DYSF: variants seen among roughly 807,000 people sequenced by gnomAD.
DYSF encodes dysferlin.
A neutral mutation model predicts 274.9 loss-of-function variants in DYSF; 212 were observed. The ratio of observed to expected loss-of-function variants is 0.77; its 90% confidence interval spans 0.69 to 0.86. The LOEUF is 0.86. Among genes scored for constraint, DYSF ranks in the 40% least tolerant of loss-of-function variants. The pLI is 0.00. For missense variants in DYSF, 2,666 were observed against 2,783.2 expected (o/e 0.96, Z 0.95); for synonymous variants, 1,091 against 1,078.7 (o/e 1.01, Z -0.22).
At chr2:71,524,944 C>A (rs1476672664) in intron 12 of DYSF, among the ~76,000 whole-genome samples, 1 of 152,214 alleles carries the variant, frequency 6.6e-6, no homozygotes, top group Non-Finnish European at 1.5e-5. Context: ...ACACCCAGAG[C>A]AACATCTGTG....
rs996859580 is a variant in DYSF at position 71,611,291 on chromosome 2, A to T, written c.4004A>T (p.Asn1335Ile). The change falls in exon 37 of 56, where the codon AAC (asparagine) becomes ATC (isoleucine). Residue 1335 changes from asparagine to isoleucine, a missense_variant. By Grantham distance (149) the Asn-to-Ile change is moderately radical. Around this residue, in one of 3 missense-constraint regions of DYSF, gnomAD observed 1,460 missense variants for 1,502.1 expected, o/e 0.97. Transcript: ENST00000410020. ...TACCCACCACCCCAGAGGGAGGCCA[A>T]CATCTACATGGTTCCTCAGAACATC... is the stretch of plus-strand genomic sequence containing the variant. ...LPYPPPQREA[N>I]IYMVPQNIKP... 1.9e-6 allele frequency: 3 copies of T among 1,614,008 alleles called. No homozygotes were observed. Among genetic ancestry groups the T allele is most frequent in the Non-Finnish European group, 2.5e-6 (3 of 1,179,904 alleles).
rs867674153 is a variant in DYSF, at chr2:71,560,302, G to A, written c.2217-1450G>A. Among the ~76,000 whole-genome samples, 47 of 151,254 alleles carry A rather than the reference G, an allele frequency of 3.1e-4. 1 individual carries two copies. The highest frequency in any genetic ancestry group is 2.6e-3 in the Admixed American group (39 of 15,162). On this transcript the variant is annotated intron_variant, in intron 22 of 55. Coordinates refer to ENST00000410020, the MANE Select transcript of DYSF (RefSeq NM_001130987.2). ...GGTGGTCTGTACTGCAGCCCCTCCC[G>A]GCTCCCGACCCGGGCTGGGCGCATA... is the stretch of plus-strand genomic sequence containing the variant.
chr2:71,544,666 G>T (rs2090323863), intron 17 of DYSF, among the ~76,000 whole-genome samples: 1 of 151,908 alleles, frequency 6.6e-6, no homozygotes, highest in African/African-American at 2.4e-5. Context: ...TCACCATGTG[G>T]GCCAGGCTGG....
chr2:71,600,109 C>A (rs921886809), intron 33 of DYSF, among the ~76,000 whole-genome samples: 1 of 152,162 alleles, frequency 6.6e-6, no homozygotes, highest in African/African-American at 2.4e-5. Context: ...GAGCTGCAGG[C>A]TGCCAGAGCC....
intron 41 of DYSF, among the ~76,000 whole-genome samples, chr2:71,631,823 G>A (rs1225816977): frequency 4.6e-5 from 7 of 151,914 alleles, no homozygotes; most frequent in African/African-American, 9.7e-5. Context: ...TGGTCTCCTC[G>A]GGAGTGCACC....
intron 41 of DYSF, among the ~76,000 whole-genome samples, chr2:71,628,744 G>A (rs2094257217): frequency 6.6e-6 from 1 of 152,204 alleles, no homozygotes; most frequent in African/African-American, 2.4e-5. Flanking sequence ...GAGCTCAGGA[G>A]TTCGAGACCA....
rs114986640 is a variant in DYSF, at chr2:71,481,936, G to C, written c.205G>C (p.Val69Leu). The change falls in exon 3 of 56, where the codon GTG (valine) becomes CTG (leucine). Residue 69 changes from valine to leucine, a missense_variant. By Grantham distance (32) the Val-to-Leu change is conservative (BLOSUM62 1). Coordinates refer to ENST00000410020, the MANE Select transcript of DYSF (RefSeq NM_001130987.2). ...GGACCAGGGCTCTGAGCTTCATGTG[G>C]TGGTCAAAGACCATGAGACGATGGG... ...PLDQGSELHV[V>L]VKDHETMGRN... 474 of 1,614,202 alleles carry C rather than the reference G, an allele frequency of 2.9e-4. 2 individuals carry two copies. The African/African-American group carries it at 5.9e-3, about 20-fold the overall frequency.
chr2:71,633,681 A>G (rs988365624), intron 41 of DYSF, among the ~76,000 whole-genome samples: 7 of 152,182 alleles, frequency 4.6e-5, no homozygotes, highest in African/African-American at 1.4e-4. Flanking sequence ...ACTTAAAATT[A>G]TAAACAATAA....
chr2:71,577,284 C>T (rs543032744), intron 30 of DYSF, among the ~76,000 whole-genome samples: 1 of 149,184 alleles, frequency 6.7e-6, no homozygotes, highest in Non-Finnish European at 1.5e-5. Context: ...TCCACTCATA[C>T]ACAACACACT....
intron 1 of DYSF, among the ~76,000 whole-genome samples, chr2:71,479,263 C>A (rs2082680607): frequency 6.6e-6 from 1 of 151,750 alleles, no homozygotes. Context: ...GCCCAGGGCA[C>A]TGCAGAACAA....
At chr2:71,580,783 G>C (rs1377010920) in intron 30 of DYSF, among the ~76,000 whole-genome samples, 1 of 152,206 alleles carries the variant, frequency 6.6e-6, no homozygotes, top group Non-Finnish European at 1.5e-5. Flanking sequence ...CCTCAGTAGG[G>C]GACAATTTGG....
intron 30 of DYSF, among the ~76,000 whole-genome samples, chr2:71,580,929 A>G (rs1247155716): frequency 1.3e-5 from 2 of 152,202 alleles, no homozygotes; most frequent in East Asian, 1.9e-4. Context: ...GGAGTGTGTT[A>G]CAGTTGGGCA....
chr2:71,496,867 C>T (rs540444698), intron 3 of DYSF, among the ~76,000 whole-genome samples: 196 of 152,312 alleles, frequency 1.3e-3, no homozygotes, highest in Non-Finnish European at 1.9e-3. Flanking sequence ...CCCCTTCCCA[C>T]GGATTAAGCA....
At chr2:71,648,000 C>G (rs564217719) in intron 42 of DYSF, among the ~76,000 whole-genome samples, 1 of 152,268 alleles carries the variant, frequency 6.6e-6, no homozygotes, top group South Asian at 2.1e-4. Flanking sequence ...AAGAATTACA[C>G]AAATGAGCCA....
intron 3 of DYSF, among the ~76,000 whole-genome samples, chr2:71,493,502 C>T (rs926476446): frequency 9.2e-5 from 14 of 152,254 alleles, no homozygotes; most frequent in African/African-American, 2.4e-4. Flanking sequence ...TAGAGCCAGC[C>T]GTGGGAATAT....
chr2:71,668,804 T>C lies in DYSF; in HGVS notation c.5508T>C (p.Pro1836=), dbSNP rs1286326701. 1.2e-6 allele frequency: 2 copies of C among 1,613,972 alleles called. No individual in the cohort carries two copies. Among genetic ancestry groups the C allele is most frequent in the African/African-American group, 1.3e-5 (1 of 75,068 alleles). ...TATTTCCGAAGGCCCTGGGGCGGCC[T>C]GGACCTCCCTTCAACATCACCCCAC... ...VDLFPKALGR[P]GPPFNITPRR... is the part of the protein sequence containing the mutation. Residue 1836 remains proline, a synonymous_variant, in exon 49 of 56, where the codon CCT becomes CCC. Transcript: ENST00000410020.
At chr2:71,495,478 T>A (rs1174351532) in intron 3 of DYSF, among the ~76,000 whole-genome samples, 1 of 152,178 alleles carries the variant, frequency 6.6e-6, no homozygotes, top group Non-Finnish European at 1.5e-5. Flanking sequence ...AGGTACAGTT[T>A]GAAAACACTG....
chr2:71,513,987 T>TG (rs2086380910), intron 7 of DYSF, 66 bp downstream of exon 7: 5 of 1,573,842 alleles, frequency 3.2e-6, no homozygotes, highest in Non-Finnish European at 3.5e-6. Context: ...GCCAGGCACC[T>TG]GCCTGGTTTG....
At chr2:71,674,763 G>A (rs1431836545) in intron 52 of DYSF, among the ~76,000 whole-genome samples, 1 of 152,190 alleles carries the variant, frequency 6.6e-6, no homozygotes, top group African/African-American at 2.4e-5. Context: ...GGGCTGTGAT[G>A]AAATCTGGGA....
Sources: gnomAD v4.1 joint callset for allele counts (sites outside exome capture counted in the v4.1 genomes callset) on GRCh38, gnomAD v4.1.1 for gene constraint, gnomAD v4.1.1 regional missense constraint, MANE v1.5 for transcripts, NCBI Gene and HGNC (gene_info 2026-07-23, HGNC 2026-07-21) for gene names.